Variants in NFU1 observed in about 807,000 individuals in gnomAD.
The protein encoded by NFU1 is NFU1 iron-sulfur cluster scaffold, also known as NFU1 iron-sulfur cluster scaffold homolog, mitochondrial.
A neutral mutation model predicts 32.2 loss-of-function variants in NFU1; 30 were observed. The ratio of observed to expected loss-of-function variants is 0.93; its 90% CI spans 0.70 to 1.26. NFU1 has a LOEUF of 1.26. Among genes scored for constraint, NFU1 ranks in the 50% most tolerant of loss-of-function variants. The pLI, the probability that NFU1 is intolerant of heterozygous loss-of-function variation, is 0.00. For missense variants in NFU1, 306 were observed against 306.6 expected (o/e 1.00, Z 0.02); for synonymous variants, 112 against 104.6 (o/e 1.07, Z -0.43).
chr2:69,403,951 G>C (rs1326978753), intron 6 of NFU1, among the ~76,000 whole-genome samples: 1 of 150,398 alleles, frequency 6.6e-6, no homozygotes, highest in Non-Finnish European at 1.5e-5. Flanking sequence ...CCATTCTCCT[G>C]CCTCAGCCTC....
chr2:69,400,795 C>T (rs1231615558), intron 6 of NFU1, among the ~76,000 whole-genome samples: 4 of 151,648 alleles, frequency 2.6e-5, no homozygotes, highest in Non-Finnish European at 5.9e-5. Flanking sequence ...TTGCTAATAT[C>T]TTTTTAAGGC....
At chr2:69,437,194 G>T (rs1673872308) in intron 1 of NFU1, 167 bp downstream of exon 1, 2 of 1,410,544 alleles carry the variant, frequency 1.4e-6, no homozygotes, top group Admixed American at 2.8e-5. Flanking sequence ...CCGAGCTCCC[G>T]CACAGACAGC....
intron 4 of NFU1, among the ~76,000 whole-genome samples, chr2:69,417,878 C>CT (rs1367350877): frequency 2.0e-5 from 3 of 151,234 alleles, no homozygotes; most frequent in Non-Finnish European, 2.9e-5. Flanking sequence ...AACCAAAACC[C>CT]TTTAAGATAT....
At chr2:69,429,656 A>G (rs549910653) in intron 2 of NFU1, among the ~76,000 whole-genome samples, 11 of 152,354 alleles carry the variant, frequency 7.2e-5, no homozygotes, top group Middle Eastern at 3.4e-3. Context: ...ACTCTATACT[A>G]TCTAAAGTAG....
chr2:69,427,852 G>A (rs566834567), intron 2 of NFU1, among the ~76,000 whole-genome samples: 6 of 148,390 alleles, frequency 4.0e-5, no homozygotes, highest in Middle Eastern at 3.9e-3. Context: ...ATTTTGTAGA[G>A]GTATTTGTAA....
chr2:69,429,563 T>C (rs1456209716), intron 2 of NFU1, among the ~76,000 whole-genome samples: 2 of 151,546 alleles, frequency 1.3e-5, no homozygotes, highest in Non-Finnish European at 2.9e-5. Context: ...TGAGAAAAAC[T>C]ACACCTGCAG....
chr2:69,433,248 G>T (rs926847588), intron 1 of NFU1, among the ~76,000 whole-genome samples: 1 of 150,180 alleles, frequency 6.7e-6, no homozygotes, highest in African/African-American at 2.4e-5. Context: ...GCACAATCTC[G>T]GCTCACTGCA....
intron 6 of NFU1, among the ~76,000 whole-genome samples, chr2:69,402,667 C>T (rs945422850): frequency 1.4e-4 from 21 of 152,050 alleles, no homozygotes; most frequent in Non-Finnish European, 2.4e-4. Context: ...CTGTAACCTC[C>T]GCCTCCCGGG....
At chr2:69,429,221 A>T (rs1199220265) in intron 2 of NFU1, among the ~76,000 whole-genome samples, 1 of 152,336 alleles carries the variant, frequency 6.6e-6, no homozygotes, top group Admixed American at 6.5e-5. Context: ...TTAATAATTT[A>T]TTGCTAACCA....
At chr2:69,433,866 T>C (rs1673735701) in intron 1 of NFU1, among the ~76,000 whole-genome samples, 1 of 151,910 alleles carries the variant, frequency 6.6e-6, no homozygotes, top group East Asian at 1.9e-4. Context: ...CTCAACATCC[T>C]AGGCTCAAGT....
intron 3 of NFU1, among the ~76,000 whole-genome samples, chr2:69,421,309 T>C (rs1286111872): frequency 1.3e-5 from 2 of 152,046 alleles, no homozygotes; most frequent in African/African-American, 2.4e-5. Context: ...AAAGTACCTA[T>C]TAATTATAAA....
intron 5 of NFU1, 69 bp downstream of exon 5, chr2:69,415,116 G>A: frequency 2.5e-6 from 2 of 815,712 alleles, no homozygotes; most frequent in Non-Finnish European, 2.1e-6. Context: ...CTGAAATCAA[G>A]GTAAATGTGA....
At chr2:69,421,216 AAAAT>A (rs1298899536) in intron 3 of NFU1, among the ~76,000 whole-genome samples, 2 of 152,158 alleles carry the variant, frequency 1.3e-5, no homozygotes, top group East Asian at 3.8e-4. Flanking sequence ...CTTATCTCAA[AAAAT>A]AAATAAAAAG....
At chr2:69,424,279 GTTTT>G (rs1263001111) in intron 2 of NFU1, among the ~76,000 whole-genome samples, 4 of 147,458 alleles carry the variant, frequency 2.7e-5, no homozygotes, top group Admixed American at 6.9e-5. Flanking sequence ...TGGTTTTTGG[GTTTT>G]TTGTTTTTGT....
At chr2:69,423,011 C>G (rs1277099695) in intron 3 of NFU1, among the ~76,000 whole-genome samples, 1 of 151,910 alleles carries the variant, frequency 6.6e-6, no homozygotes, top group African/African-American at 2.4e-5. Flanking sequence ...GGGTCTCACT[C>G]TGTTGCCCAG....
chr2:69,419,291 C>T (rs373864958), intron 4 of NFU1, among the ~76,000 whole-genome samples: 98 of 152,092 alleles, frequency 6.4e-4, no homozygotes, highest in African/African-American at 2.3e-3. Context: ...CGCACCATCA[C>T]ACTCCAGCCT....
intron 6 of NFU1, among the ~76,000 whole-genome samples, chr2:69,402,767 G>C (rs191983571): frequency 6.6e-6 from 1 of 151,452 alleles, no homozygotes; most frequent in South Asian, 2.1e-4. Flanking sequence ...TTTTTTAGTA[G>C]ACACAAGGTT....
intron 7 of NFU1, among the ~76,000 whole-genome samples, chr2:69,399,725 AT>A (rs1373185246): frequency 6.6e-6 from 1 of 152,012 alleles, no homozygotes; most frequent in Non-Finnish European, 1.5e-5. Context: ...CTTTTTCATA[AT>A]TTTTGTGCAA....
At chr2:69,420,344 A>C (rs1673196966) in intron 3 of NFU1, among the ~76,000 whole-genome samples, 1 of 152,230 alleles carries the variant, frequency 6.6e-6, no homozygotes, top group Non-Finnish European at 1.5e-5. Flanking sequence ...GATTTTGCCA[A>C]CTGAACATCT....
Sources: gnomAD v4.1 joint callset for allele counts (sites outside exome capture counted in the v4.1 genomes callset) on GRCh38, gnomAD v4.1.1 for gene constraint, MANE v1.5 for transcripts, NCBI Gene and HGNC (gene_info 2026-07-23, HGNC 2026-07-21) for gene names.